Variants in FAT3 observed in about 807,000 individuals in gnomAD.
The protein encoded by FAT3 is protocadherin Fat 3.
Under a neutral mutation model 310.2 loss-of-function variants are expected in FAT3, and 95 were observed. The observed-to-expected ratio is 0.31, with a 90% confidence interval of 0.26 to 0.36. The LOEUF is 0.36. Ranked by LOEUF, FAT3 falls within the 10% of genes least tolerant of loss-of-function variation. The pLI is 1.00. For synonymous variants in FAT3, 2,314 were observed against 2,192.9 expected (o/e 1.06, Z -1.54); for missense variants, 5,408 against 5,715.6 (o/e 0.95, Z 1.74).
intron 12 of FAT3, among the ~76,000 whole-genome samples, chr11:92,808,995 T>A (rs10741445): frequency 0.79 from 120,816 of 152,134 alleles, 49,070 homozygotes; most frequent in East Asian, 0.94. Context: ...TATCTACTAA[T>A]TTTATTTAAG....
At chr11:92,373,465 T>G (rs893959191) in intron 2 of FAT3, among the ~76,000 whole-genome samples, 2 of 152,226 alleles carry the variant, frequency 1.3e-5, no homozygotes, top group Non-Finnish European at 2.9e-5. Flanking sequence ...GGAGTAGGTA[T>G]GTTTGGATCT....
At chr11:92,418,458 G>T (rs1212790207) in intron 2 of FAT3, among the ~76,000 whole-genome samples, 1 of 105,256 alleles carries the variant, frequency 9.5e-6, no homozygotes, top group African/African-American at 4.0e-5. Context: ...AGAAAACAAA[G>T]ATTTCATCAT....
chr11:92,567,242 T>A (rs1335657295), intron 3 of FAT3, among the ~76,000 whole-genome samples: 2 of 109,978 alleles, frequency 1.8e-5, no homozygotes, highest in Non-Finnish European at 1.9e-5. Flanking sequence ...AACAGACACT[T>A]CTCAAAAGAA....
chr11:92,774,250 A>G, intron 7 of FAT3, 70 bp downstream of exon 7: 1 of 1,458,732 alleles, frequency 6.9e-7, no homozygotes, highest in South Asian at 1.4e-5. Context: ...CAAGCAATGA[A>G]AAAAAAATGT....
intron 1 of FAT3, among the ~76,000 whole-genome samples, chr11:92,322,315 T>TAA (rs960208481): frequency 1.4e-4 from 21 of 151,218 alleles, no homozygotes; most frequent in Non-Finnish European, 2.1e-4. Context: ...ACTTTATTGC[T>TAA]AAAAAAAAAT....
At chr11:92,596,166 C>T (rs17532591) in intron 3 of FAT3, among the ~76,000 whole-genome samples, 2,867 of 152,190 alleles carry the variant, frequency 0.019, 53 homozygotes, top group Non-Finnish European at 0.029. Context: ...ATTCTTGGGG[C>T]GAGCCTACTC....
intron 4 of FAT3, among the ~76,000 whole-genome samples, chr11:92,712,172 T>C (rs1410300150): frequency 1.3e-5 from 2 of 152,158 alleles, no homozygotes; most frequent in African/African-American, 2.4e-5. Flanking sequence ...AGGGCACATA[T>C]GCCTTCTCAT....
Position 92,798,280 on chromosome 11 carries a change from A to G in FAT3, c.5267A>G (p.Asn1756Ser), listed in dbSNP as rs561042663. The G allele has an allele frequency of 6.2e-7, 1 of 1,613,892 alleles. No individual in the cohort carries two copies. Residue 1756 changes from asparagine (N) to serine (S), a missense_variant, in exon 10 of 28, where the codon AAT (asparagine) becomes AGT (serine). Around this residue, in one of 5 missense-constraint regions of FAT3, gnomAD observed 4,588 missense variants for 4,809.8 expected, o/e 0.95. Transcript: ENST00000525166. ...GGAATGGCTTCCAATGCTACAGTCA[A>G]TATTCAGATTGTTGATGAAAATGAT... The part of the protein sequence containing the change: ...MAGMASNATV[N>S]IQIVDENDNA...
intron 4 of FAT3, among the ~76,000 whole-genome samples, chr11:92,724,815 G>T (rs1944955043): frequency 6.6e-6 from 1 of 152,146 alleles, no homozygotes; most frequent in African/African-American, 2.4e-5. Context: ...ATTTCCTAAA[G>T]TACACACCAT....
At chr11:92,580,665 A>C (rs1047221410) in intron 3 of FAT3, among the ~76,000 whole-genome samples, 4 of 152,058 alleles carry the variant, frequency 2.6e-5, no homozygotes, top group African/African-American at 9.7e-5. Flanking sequence ...CTTACTAAAT[A>C]TCTATTAAGT....
intron 2 of FAT3, among the ~76,000 whole-genome samples, chr11:92,500,996 C>T (rs549058385): frequency 1.3e-5 from 2 of 152,092 alleles, no homozygotes; most frequent in African/African-American, 4.8e-5. Flanking sequence ...ACAATGAGAT[C>T]GATTTCCCCC....
In FAT3 at chr11:92,797,908, C is replaced by T. The variant is rs748433498; in HGVS notation, c.4895C>T (p.Thr1632Met). The change falls in exon 10 of 28, where the codon ACG becomes ATG. Residue 1632 changes from threonine (T) to methionine (M), a missense_variant. Physicochemically the swap from Thr to Met is moderately conservative, Grantham distance 81. Around this residue, in one of 5 missense-constraint regions of FAT3, gnomAD observed 4,588 missense variants for 4,809.8 expected, o/e 0.95. Transcript: ENST00000525166. ...ACCATTTGCAAAGAACCAGACATGA[C>T]GACGATGGGTCAGTTTGTCCTATCC... ...IITICKEPDMTTMGQFVLSIK... is the reference protein window; with the variant it reads ...IITICKEPDMMTMGQFVLSIK... 3.8e-5 allele frequency: 61 copies of T among 1,613,754 alleles called. No individual in the cohort carries two copies. The highest frequency in any genetic ancestry group is 9.3e-5 in the African/African-American group (7 of 74,918).
At chr11:92,617,163 G>T (rs1454926934) in intron 3 of FAT3, among the ~76,000 whole-genome samples, 1 of 152,086 alleles carries the variant, frequency 6.6e-6, no homozygotes, top group Non-Finnish European at 1.5e-5. Flanking sequence ...TTTCTTGGAG[G>T]CTTTGTTCAT....
chr11:92,838,313 T>A (rs1452702070), intron 17 of FAT3, among the ~76,000 whole-genome samples: 2 of 152,204 alleles, frequency 1.3e-5, no homozygotes, highest in Non-Finnish European at 2.9e-5. Flanking sequence ...AGGATAGAGC[T>A]GGTACTCATT....
At chr11:92,585,827 TG>T (rs1939116979) in intron 3 of FAT3, among the ~76,000 whole-genome samples, 1 of 96,594 alleles carries the variant, frequency 1.0e-5, no homozygotes, top group Non-Finnish European at 2.0e-5. Flanking sequence ...TTTGCTTTCC[TG>T]TTTTTTTTTT....
In FAT3 at chr11:92,890,571, G is replaced by A. The variant is rs370311816; in HGVS notation, c.13228G>A (p.Asp4410Asn). The A allele has an allele frequency of 1.9e-6, 3 of 1,613,414 alleles. No homozygotes were observed. Among genetic ancestry groups the A allele is most frequent in the Non-Finnish European group, 1.7e-6 (2 of 1,179,776 alleles). The part of the protein sequence containing the change: ...IEEVPNYENQ[D>N]GGSAHQGSTR... ...GGAAGTGCCCAACTATGAGAACCAG[G>A]ATGGAGGGTCTGCACACCAGGGGAG... The change falls in exon 28 of 28, where the codon GAT (aspartate) becomes AAT (asparagine). Residue 4410 changes from aspartate (D) to asparagine (N), a missense_variant. Coordinates refer to ENST00000525166, the MANE Select transcript of FAT3 (RefSeq NM_001367949.2).
chr11:92,701,324 A>G (rs1323780961), intron 4 of FAT3, among the ~76,000 whole-genome samples: 1 of 152,210 alleles, frequency 6.6e-6, no homozygotes, highest in South Asian at 2.1e-4. Flanking sequence ...CACTCCATCT[A>G]TACATTGGTT....
intron 21 of FAT3, among the ~76,000 whole-genome samples, chr11:92,859,588 G>A (rs542238378): frequency 5.1e-4 from 78 of 152,196 alleles, no homozygotes; most frequent in Non-Finnish European, 8.4e-4. Flanking sequence ...AGCTGTAATC[G>A]CTCAACAGTT....
Position 92,387,063 on chromosome 11 carries a change from A to AGTGTGTGT in FAT3, c.3292+31700_3292+31707dup, listed in dbSNP as rs67529435. Reference sequence around the variant, plus strand: ...GCAATGCCCAAGGATTATGGGAGCTAGTGTGTGTGTGTGTGTGTGTGTGTG... The same window carrying AGTGTGTGT: ...GCAATGCCCAAGGATTATGGGAGCTAGTGTGTGTGTGTGTGTGTGTGTGTGTGTGTGTG... On this transcript the variant is annotated intron_variant, in intron 2 of 27. Transcript: ENST00000525166. Among the ~76,000 whole-genome samples, 1,240 of 144,206 alleles carry AGTGTGTGT rather than the reference A, an allele frequency of 8.6e-3. 19 individuals are homozygous for AGTGTGTGT. The highest frequency in any genetic ancestry group is 0.031 in the African/African-American group (1,187 of 37,846). 94.6% of individuals were successfully genotyped at this position (144,206 alleles called of 152,430 possible).
Sources: allele counts gnomAD v4.1 joint callset (sites outside exome capture counted in the v4.1 genomes callset), GRCh38; gene constraint gnomAD v4.1.1; regional missense constraint gnomAD v4.1.1; transcripts MANE v1.5; gene names NCBI Gene and HGNC (gene_info 2026-07-23, HGNC 2026-07-21).